Variants in ADGRB3 observed in about 807,000 individuals in gnomAD.
ADGRB3 encodes adhesion G protein-coupled receptor B3, also known as brain-specific angiogenesis inhibitor 3.
In ADGRB3, 37 loss-of-function variants were observed where a neutral mutation model predicts 193.4. That is an observed-to-expected ratio of 0.19 (90% CI 0.15 to 0.25). The LOEUF is 0.25. Among genes scored for constraint, ADGRB3 ranks in the 10% least tolerant of loss-of-function variants. ADGRB3 has a pLI of 1.00. For missense variants in ADGRB3, 1,637 were observed against 1,852.9 expected (o/e 0.88, Z 2.14); for synonymous variants, 690 against 644.2 (o/e 1.07, Z -1.08).
intron 20 of ADGRB3, among the ~76,000 whole-genome samples, chr6:69,263,740 C>CTG (rs550273012): frequency 1.6e-3 from 248 of 152,046 alleles, no homozygotes; most frequent in African/African-American, 5.8e-3. Flanking sequence ...CTAAGGGAGA[C>CTG]ATGTACTATC....
At chr6:68,741,393 T>C (rs1444333903) in intron 3 of ADGRB3, among the ~76,000 whole-genome samples, 1 of 152,138 alleles carries the variant, frequency 6.6e-6, no homozygotes, top group Non-Finnish European at 1.5e-5. Flanking sequence ...ATATTTTATT[T>C]TTGAGACAGG....
intron 3 of ADGRB3, among the ~76,000 whole-genome samples, chr6:68,818,604 A>G (rs540361399): frequency 4.8e-4 from 73 of 152,154 alleles, no homozygotes; most frequent in Non-Finnish European, 9.3e-4. Context: ...CTAGCAATAT[A>G]ATCTTGTGCC....
intron 3 of ADGRB3, among the ~76,000 whole-genome samples, chr6:68,801,641 A>T (rs949774924): frequency 6.6e-6 from 1 of 152,158 alleles, no homozygotes; most frequent in Non-Finnish European, 1.5e-5. Context: ...GTGAGCTGAG[A>T]TCCTGCCATT....
At chr6:68,884,156 A>T (rs1219716539) in intron 3 of ADGRB3, among the ~76,000 whole-genome samples, 1 of 152,158 alleles carries the variant, frequency 6.6e-6, no homozygotes, top group Non-Finnish European at 1.5e-5. Context: ...AAATCGACTT[A>T]CTTTTAGATT....
chr6:68,663,835 G>T (rs552446587), intron 3 of ADGRB3, among the ~76,000 whole-genome samples: 41 of 151,906 alleles, frequency 2.7e-4, no homozygotes, highest in African/African-American at 9.6e-4. Flanking sequence ...ATATGTGAAA[G>T]TCAAATATGA....
rs183178927 is a variant in ADGRB3, at chr6:69,058,466, A to G, written c.2334-4468A>G. Among the ~76,000 whole-genome samples the G allele has an allele frequency of 1.0e-3, 156 of 151,948 alleles. 1 individual carries two copies. The highest frequency in any genetic ancestry group is 4.5e-3 in the East Asian group (23 of 5,166). ...GTATATTTCAGCTCTAATCTTTATT[A>G]TTATCTTTCTTCATTAACTTTGGGT... is the stretch of plus-strand genomic sequence containing the variant. On this transcript the variant is annotated intron_variant, in intron 15 of 31. Transcript: ENST00000370598.
chr6:68,829,158 G>A (rs911387913), intron 3 of ADGRB3, among the ~76,000 whole-genome samples: 1 of 132,640 alleles, frequency 7.5e-6, no homozygotes, highest in Non-Finnish European at 1.5e-5. Flanking sequence ...GGAGTGTAGT[G>A]GCACAATCTC....
At chr6:68,707,667 C>A (rs1009712534) in intron 3 of ADGRB3, among the ~76,000 whole-genome samples, 4 of 151,976 alleles carry the variant, frequency 2.6e-5, no homozygotes, top group African/African-American at 9.7e-5. Flanking sequence ...AAAATAAGTT[C>A]ATCAATTCAC....
At chr6:69,367,496 C>G (rs887315384) in intron 29 of ADGRB3, among the ~76,000 whole-genome samples, 2 of 151,876 alleles carry the variant, frequency 1.3e-5, no homozygotes, top group Admixed American at 1.3e-4. Flanking sequence ...AAAAGTGTTC[C>G]TATTTCTCCA....
At chr6:68,840,183 A>G (rs189487396) in intron 3 of ADGRB3, among the ~76,000 whole-genome samples, 104 of 152,188 alleles carry the variant, frequency 6.8e-4, no homozygotes, top group African/African-American at 2.4e-3. Flanking sequence ...GGCTCAGAGC[A>G]AGTGTATTTG....
intron 3 of ADGRB3, among the ~76,000 whole-genome samples, chr6:68,914,367 G>T (rs1033985050): frequency 5.9e-5 from 9 of 152,212 alleles, no homozygotes; most frequent in Non-Finnish European, 1.3e-4. Context: ...CTACAAGCCA[G>T]AAGAGTGTGG....
chr6:68,887,496 T>C (rs1042851633), intron 3 of ADGRB3, among the ~76,000 whole-genome samples: 3 of 152,162 alleles, frequency 2.0e-5, no homozygotes, highest in African/African-American at 7.2e-5. Flanking sequence ...ATTTTCCGGT[T>C]AGCAGACAAC....
chr6:68,996,483 C>T (rs947484947), intron 11 of ADGRB3, among the ~76,000 whole-genome samples: 1 of 152,188 alleles, frequency 6.6e-6, no homozygotes, highest in African/African-American at 2.4e-5. Context: ...CATTATACTG[C>T]CTCCTAGTAC....
At chr6:68,995,828 T>G (rs1177751875) in intron 11 of ADGRB3, among the ~76,000 whole-genome samples, 1 of 152,160 alleles carries the variant, frequency 6.6e-6, no homozygotes, top group Non-Finnish European at 1.5e-5. Flanking sequence ...GGTAAGTCTT[T>G]CTGAACTCCA....
intron 3 of ADGRB3, among the ~76,000 whole-genome samples, chr6:68,828,983 A>C (rs1390946371): frequency 1.3e-5 from 2 of 152,042 alleles, no homozygotes; most frequent in Non-Finnish European, 1.5e-5. Flanking sequence ...CCATCAGTTA[A>C]ATATGCTGCC....
At chr6:68,776,297 G>A (rs1766745650) in intron 3 of ADGRB3, among the ~76,000 whole-genome samples, 1 of 152,052 alleles carries the variant, frequency 6.6e-6, no homozygotes, top group Non-Finnish European at 1.5e-5. Context: ...AGAAATCCTT[G>A]CAAATTTAAT....
rs183198747 is a variant in ADGRB3 at position 68,749,984 on chromosome 6, A to G, written c.757+110552A>G. ...TAGGTAACCCACGTGTAACCTCTCT[A>G]TGTTAATCAGAATATTTAGTTAGTG... is the stretch of plus-strand genomic sequence containing the variant. On this transcript the variant is annotated intron_variant, in intron 3 of 31. Transcript: ENST00000370598. Among the ~76,000 whole-genome samples the G allele has an allele frequency of 2.0e-5, 3 of 152,166 alleles. No homozygotes were observed. The South Asian group carries it at 6.2e-4, about 32-fold the overall frequency.
intron 11 of ADGRB3, among the ~76,000 whole-genome samples, chr6:69,006,781 G>A (rs1157709999): frequency 6.6e-6 from 1 of 151,762 alleles, no homozygotes; most frequent in East Asian, 1.9e-4. Context: ...GTGCTGGGAT[G>A]TAAAATTTAT....
chr6:68,829,107 T>C (rs1389646656), intron 3 of ADGRB3, among the ~76,000 whole-genome samples: 2 of 141,360 alleles, frequency 1.4e-5, no homozygotes, highest in Admixed American at 1.4e-4. Flanking sequence ...TTTTTTTTTT[T>C]TTTTTTTTTT....
Sources: allele counts gnomAD v4.1 joint callset (sites outside exome capture counted in the v4.1 genomes callset), GRCh38; gene constraint gnomAD v4.1.1; transcripts MANE v1.5; gene names NCBI Gene and HGNC (gene_info 2026-07-23, HGNC 2026-07-21).